PIK3C2G: variants seen among roughly 807,000 people sequenced by gnomAD.
The protein encoded by PIK3C2G is phosphatidylinositol 3-kinase C2 domain-containing subunit gamma.
PIK3C2G carries 168 observed loss-of-function variants against 181.1 expected under a neutral mutation model. The observed-to-expected ratio is 0.93, with a 90% CI of 0.82 to 1.05. The LOEUF is 1.05. PIK3C2G is among the 50% of genes least tolerant of loss of function. PIK3C2G has a pLI of 0.00. For synonymous variants in PIK3C2G, 573 were observed against 592.2 expected (o/e 0.97, Z 0.47); for missense variants, 1,869 against 1,732.8 (o/e 1.08, Z -1.40).
At chr12:18,694,481 C>A in the PIK3C2G span, among the ~76,000 whole-genome samples, 1 of 152,030 alleles carries the variant, frequency 6.6e-6, no homozygotes, top group Non-Finnish European at 1.5e-5. Flanking sequence ...GGGGAAGAAT[C>A]CTGACCTACA....
At chr12:18,619,259 T>A (rs1184258059) in intron 31 of PIK3C2G, among the ~76,000 whole-genome samples, 1 of 151,972 alleles carries the variant, frequency 6.6e-6, no homozygotes, top group African/African-American at 2.4e-5. Flanking sequence ...TGGAACGTCT[T>A]TAAAATGTCG....
At chr12:18,528,285 A>G (rs930648316) in intron 24 of PIK3C2G, among the ~76,000 whole-genome samples, 1 of 152,170 alleles carries the variant, frequency 6.6e-6, no homozygotes, top group Admixed American at 6.6e-5. Context: ...ATAAGCTTAA[A>G]CATTCCCCAA....
At chr12:18,538,081 T>C (rs1592525543) in intron 24 of PIK3C2G, 75 bp from the exon 25 acceptor site, 5 of 1,337,102 alleles carry the variant, frequency 3.7e-6, no homozygotes, top group Non-Finnish European at 4.2e-6. Context: ...TGAAAATAAG[T>C]CGTTATAACT....
At chr12:18,248,833 A>G (rs550902438) in intron 1 of PIK3C2G, among the ~76,000 whole-genome samples, 59 of 152,280 alleles carry the variant, frequency 3.9e-4, no homozygotes, top group African/African-American at 1.3e-3. Flanking sequence ...TAAAACACAT[A>G]AATGTGTTTT....
chr12:18,507,405 A>C (rs1221316442), intron 24 of PIK3C2G, among the ~76,000 whole-genome samples: 1 of 152,174 alleles, frequency 6.6e-6, no homozygotes, highest in Non-Finnish European at 1.5e-5. Flanking sequence ...ATACAAAGAT[A>C]ATTAATATGC....
chr12:18,474,887 G>T (rs1464487142), intron 18 of PIK3C2G, among the ~76,000 whole-genome samples: 1 of 151,990 alleles, frequency 6.6e-6, no homozygotes, highest in African/African-American at 2.4e-5. Context: ...CAGAAAAAAA[G>T]AAAATTGCTA....
intron 15 of PIK3C2G, among the ~76,000 whole-genome samples, chr12:18,395,618 C>G (rs576673764): frequency 1.4e-3 from 204 of 149,682 alleles, no homozygotes; most frequent in Non-Finnish European, 2.7e-3. Flanking sequence ...AAAACAGTTT[C>G]ATTTACACAT....
At chr12:18,440,731 A>G (rs531189671) in intron 18 of PIK3C2G, among the ~76,000 whole-genome samples, 14 of 152,148 alleles carry the variant, frequency 9.2e-5, no homozygotes, top group African/African-American at 3.4e-4. Context: ...AGTAGGGGTA[A>G]GGGCAGGTTA....
intron 14 of PIK3C2G, among the ~76,000 whole-genome samples, chr12:18,386,287 T>A (rs1943168040): frequency 6.6e-6 from 1 of 152,222 alleles, no homozygotes; most frequent in African/African-American, 2.4e-5. Flanking sequence ...ACAGCTTTCT[T>A]GAGATGTAAT....
the PIK3C2G span, among the ~76,000 whole-genome samples, chr12:18,677,701 A>T: frequency 1.3e-5 from 2 of 152,124 alleles, no homozygotes; most frequent in Non-Finnish European, 2.9e-5. Flanking sequence ...CAGTATTTTT[A>T]AAATGTTCTA....
intron 18 of PIK3C2G, among the ~76,000 whole-genome samples, chr12:18,464,512 CA>C (rs1322947966): frequency 6.6e-6 from 1 of 152,062 alleles, no homozygotes; most frequent in Non-Finnish European, 1.5e-5. Flanking sequence ...TAAGAGGCAT[CA>C]AAATAGGAAC....
chr12:18,462,052 A>G (rs1241419963), intron 18 of PIK3C2G, among the ~76,000 whole-genome samples: 2 of 152,098 alleles, frequency 1.3e-5, no homozygotes, highest in Admixed American at 1.3e-4. Flanking sequence ...ACCCAGGAAA[A>G]TCTCCCCATC....
intron 30 of PIK3C2G, among the ~76,000 whole-genome samples, chr12:18,602,641 C>T (rs1008865385): frequency 6.6e-6 from 1 of 152,140 alleles, no homozygotes; most frequent in South Asian, 2.1e-4. Context: ...TGCCACCTCA[C>T]CAAAACAGAT....
At chr12:18,638,469 TCACTTTAACAGTAGA>T (rs1335449678) in intron 31 of PIK3C2G, among the ~76,000 whole-genome samples, 2 of 152,308 alleles carry the variant, frequency 1.3e-5, no homozygotes, top group African/African-American at 4.8e-5. Flanking sequence ...CATCAATGCT[TCACTTTAACAGTAGA>T]CACTTTGTGA....
At chr12:18,359,860 T>C (rs1592057899) in intron 11 of PIK3C2G, among the ~76,000 whole-genome samples, 1 of 152,184 alleles carries the variant, frequency 6.6e-6, no homozygotes, top group Non-Finnish European at 1.5e-5. Context: ...ATTGAGTCTT[T>C]TGTAAGTAGC....
At chr12:18,501,751 T>C (rs933717579) in intron 22 of PIK3C2G, among the ~76,000 whole-genome samples, 3 of 152,194 alleles carry the variant, frequency 2.0e-5, no homozygotes, top group South Asian at 4.1e-4. Context: ...TAGTCAGCAA[T>C]TCAAGGCTTG....
rs1401382816 is a variant in PIK3C2G at position 18,438,169 on chromosome 12, T to C, written c.2504+14130T>C. Among the ~76,000 whole-genome samples the C allele has an allele frequency of 2.0e-5, 3 of 152,038 alleles. No individual in the cohort carries two copies. The East Asian group carries it at 5.8e-4, about 29-fold the overall frequency. ...TAGTGATTTTCAAGTCTTCCTTGAC[T>C]GGATTGTAAACCTGAATTCAATGTA... On this transcript the variant is annotated intron_variant, in intron 18 of 32. Transcript: ENST00000538779.
At chr12:18,642,338 A>G (rs1217172144) in intron 32 of PIK3C2G, among the ~76,000 whole-genome samples, 3 of 152,220 alleles carry the variant, frequency 2.0e-5, no homozygotes, top group Non-Finnish European at 2.9e-5. Flanking sequence ...GTGGATACCA[A>G]TTATTCCAGT....
the PIK3C2G span, among the ~76,000 whole-genome samples, chr12:18,661,797 C>A: frequency 6.6e-6 from 1 of 151,932 alleles, no homozygotes; most frequent in African/African-American, 2.4e-5. Flanking sequence ...GATACACACC[C>A]AAAGGAATAT....
Sources: gnomAD v4.1 joint callset for allele counts (sites outside exome capture counted in the v4.1 genomes callset) on GRCh38, gnomAD v4.1.1 for gene constraint, MANE v1.5 for transcripts, NCBI Gene and HGNC (gene_info 2026-07-23, HGNC 2026-07-21) for gene names.